STOML3: variants seen among roughly 807,000 people sequenced by gnomAD.
The protein encoded by STOML3 is stomatin like 3, also known as stomatin-like protein 3.
A neutral mutation model predicts 29.5 loss-of-function variants in STOML3; 31 were observed. That is an observed-to-expected ratio of 1.05 (90% CI 0.79 to 1.42). STOML3 has a LOEUF of 1.42. Among genes scored for constraint, STOML3 ranks in the 40% most tolerant of loss-of-function variants. The pLI, the probability that STOML3 is intolerant of heterozygous loss-of-function variation, is 0.00. For missense variants in STOML3, 380 were observed against 363.0 expected (o/e 1.05, Z -0.38); for synonymous variants, 122 against 139.8 (o/e 0.87, Z 0.90).
chr13:38,969,130 A>C (rs1013757049), intron 5 of STOML3, among the ~76,000 whole-genome samples: 5 of 152,170 alleles, frequency 3.3e-5, no homozygotes, highest in Non-Finnish European at 5.9e-5. Context: ...CGCTCTGTTT[A>C]ACTTCTGCTC....
At chr13:38,970,827 C>A (rs1408212166) in intron 4 of STOML3, among the ~76,000 whole-genome samples, 5 of 152,026 alleles carry the variant, frequency 3.3e-5, no homozygotes, top group African/African-American at 1.2e-4. Flanking sequence ...TAGATGGCAC[C>A]AGAGACCATG....
At chr13:38,982,558 C>T (rs572837279) in intron 1 of STOML3, among the ~76,000 whole-genome samples, 52 of 152,104 alleles carry the variant, frequency 3.4e-4, no homozygotes, top group Admixed American at 2.6e-4. Flanking sequence ...CACCTTTCTC[C>T]GAGTTGTGAA....
At chr13:38,990,007 T>C (rs1443861051) in intron 1 of STOML3, among the ~76,000 whole-genome samples, 1 of 152,106 alleles carries the variant, frequency 6.6e-6, no homozygotes, top group Admixed American at 6.6e-5. Context: ...AGTTTTCTCA[T>C]TTGTAAAATG....
intron 1 of STOML3, among the ~76,000 whole-genome samples, chr13:38,987,461 T>C (rs1256219891): frequency 6.6e-6 from 1 of 151,702 alleles, no homozygotes; most frequent in Non-Finnish European, 1.5e-5. Flanking sequence ...CACTCCACTC[T>C]AGCCTGGGCG....
chr13:38,972,537 A>C lies in STOML3; in HGVS notation c.287T>G (p.Val96Gly). 6.2e-7 allele frequency: 1 copy of C among 1,614,104 alleles called. No individual in the cohort carries two copies. Among genetic ancestry groups the C allele is most frequent in the Non-Finnish European group, 8.5e-7 (1 of 1,179,954 alleles). ...CTCTTGTGGAGGAATGTTGCAAGTA[A>C]CTGTTCGGAGGTCAACTTTGACAAA... ...DVFVKVDLRT[V>G]TCNIPPQEIL... Residue 96 changes from valine to glycine, a missense_variant, in exon 4 of 7, where the codon GTT becomes GGT. Coordinates refer to ENST00000379631, the MANE Select transcript of STOML3 (RefSeq NM_145286.3).
intron 3 of STOML3, among the ~76,000 whole-genome samples, chr13:38,973,725 G>A (rs1880974699): frequency 6.6e-6 from 1 of 152,128 alleles, no homozygotes; most frequent in South Asian, 2.1e-4. Flanking sequence ...TAGATATACA[G>A]ACTAAAGTGT....
intron 1 of STOML3, among the ~76,000 whole-genome samples, chr13:38,977,750 ATTTTTTTTTTTT>A (rs397851686): frequency 0.046 from 3,847 of 84,428 alleles, 194 homozygotes; most frequent in African/African-American, 0.14. Context: ...AAGTCTCCGG[ATTTTTTTTTTTT>A]TTTTTTTTTT....
At chr13:38,979,128 T>C (rs1016299893) in intron 1 of STOML3, among the ~76,000 whole-genome samples, 5 of 152,208 alleles carry the variant, frequency 3.3e-5, no homozygotes, top group African/African-American at 1.2e-4. Flanking sequence ...ATGCTCCAAA[T>C]ACATACATAT....
chr13:38,987,416 C>T (rs1048487793), intron 1 of STOML3, among the ~76,000 whole-genome samples: 5 of 151,794 alleles, frequency 3.3e-5, no homozygotes, highest in Non-Finnish European at 5.9e-5. Flanking sequence ...CCCAGCTACT[C>T]AGGAGGCTGA....
intron 1 of STOML3, chr13:38,980,176 G>T: frequency 6.6e-7 from 1 of 1,525,986 alleles, no homozygotes. Context: ...ATTCTTCCAA[G>T]ATTTACACTG....
At position 38,976,601 on chromosome 13, in the gene STOML3, C is replaced by T. The variant is rs776902197; in HGVS notation, c.168G>A (p.Glu56=). 1 of 1,614,210 alleles carries T rather than the reference C, an allele frequency of 6.2e-7. No individual in the cohort carries two copies. The highest frequency in any genetic ancestry group is 8.5e-7 in the Non-Finnish European group (1 of 1,180,038). Residue 56 remains glutamate (E), a synonymous_variant, in exon 3 of 7, where the codon GAG becomes GAA. Coordinates refer to ENST00000379631, the MANE Select transcript of STOML3 (RefSeq NM_145286.3). ...GACGGAATACAACAGCACGTTCATA[C>T]TCCTTAATGATCTAGGAGATTAAGG... The part of the protein sequence containing the change: ...SIWMCLKIIK[E]YERAVVFRLG...
intron 1 of STOML3, among the ~76,000 whole-genome samples, chr13:38,985,963 A>G (rs1593508580): frequency 2.0e-5 from 2 of 97,604 alleles, no homozygotes; most frequent in Admixed American, 1.6e-4. Flanking sequence ...TCTTTCCCCC[A>G]GCGGCTATTT....
intron 1 of STOML3, among the ~76,000 whole-genome samples, chr13:38,981,758 T>C (rs1286925451): frequency 1.3e-5 from 2 of 152,156 alleles, no homozygotes; most frequent in African/African-American, 2.4e-5. Context: ...CATTAAAGAC[T>C]GGCAATACCA....
At chr13:38,972,314 G>A (rs563551950) in intron 4 of STOML3, among the ~76,000 whole-genome samples, 198 bp downstream of exon 4, 56 of 152,238 alleles carry the variant, frequency 3.7e-4, no homozygotes, top group Non-Finnish European at 7.4e-4. Flanking sequence ...CCTTGCTCTT[G>A]GCTTCATTCT....
chr13:38,966,931 G>T lies in STOML3; in HGVS notation c.770C>A (p.Ala257Asp), dbSNP rs765453985. The T allele has an allele frequency of 3.7e-6, 6 of 1,614,008 alleles. No individual in the cohort carries two copies. The highest frequency in any genetic ancestry group is 4.2e-6 in the Non-Finnish European group (5 of 1,180,006). ...LRYLQTLSTV[A>D]TEKNSTIVFP... ...CACAATCGTAGAATTCTTCTCGGTG[G>T]CTACCGTGCTCAAGGTCTGCAGGTA... The change falls in exon 7 of 7, where the codon GCC becomes GAC. Residue 257 changes from alanine (A) to aspartate (D), a missense_variant. Coordinates refer to ENST00000379631, the MANE Select transcript of STOML3 (RefSeq NM_145286.3).
chr13:38,976,418 C>T, intron 3 of STOML3, 122 bp downstream of exon 3: 4 of 1,059,648 alleles, frequency 3.8e-6, no homozygotes, highest in Non-Finnish European at 5.6e-6. Context: ...AAGGCAAGAG[C>T]CCCAGCTTCT....
At chr13:38,969,222 A>G (rs1017251844) in intron 5 of STOML3, among the ~76,000 whole-genome samples, 1 of 152,200 alleles carries the variant, frequency 6.6e-6, no homozygotes, top group African/African-American at 2.4e-5. Context: ...CTTTCGTAAA[A>G]GCTTAAAACC....
chr13:38,987,414 C>T (rs1868624650), intron 1 of STOML3, among the ~76,000 whole-genome samples: 1 of 151,876 alleles, frequency 6.6e-6, no homozygotes, highest in Non-Finnish European at 1.5e-5. Context: ...GTCCCAGCTA[C>T]TCAGGAGGCT....
chr13:38,980,887 C>T (rs1335140446), intron 1 of STOML3, among the ~76,000 whole-genome samples: 2 of 152,182 alleles, frequency 1.3e-5, no homozygotes, highest in African/African-American at 4.8e-5. Context: ...ACAACAGATA[C>T]TAGGTTAATT....
Sources: allele counts gnomAD v4.1 joint callset (sites outside exome capture counted in the v4.1 genomes callset), GRCh38; gene constraint gnomAD v4.1.1; transcripts MANE v1.5; gene names NCBI Gene and HGNC (gene_info 2026-07-23, HGNC 2026-07-21).